CNTNAP2: variants seen among roughly 807,000 people sequenced by gnomAD.
The protein encoded by CNTNAP2 is contactin associated protein 2, also known as contactin-associated protein-like 2.
A neutral mutation model predicts 155.2 loss-of-function variants in CNTNAP2; 98 were observed. The observed-to-expected ratio is 0.63, with a 90% CI of 0.54 to 0.75. The LOEUF is 0.75. CNTNAP2 is among the 30% of genes least tolerant of loss of function. CNTNAP2 has a pLI of 0.00. For synonymous variants in CNTNAP2, 651 were observed against 631.2 expected, an observed-to-expected ratio of 1.03 and a Z score of -0.47; for missense variants, 1,727 against 1,688.1, an observed-to-expected ratio of 1.02 and a Z score of -0.40.
At chr7:146,654,813 A>T (rs1018325532) in intron 1 of CNTNAP2, among the ~76,000 whole-genome samples, 3 of 152,116 alleles carry the variant, frequency 2.0e-5, no homozygotes, top group Non-Finnish European at 4.4e-5. Context: ...ATTTTTCATG[A>T]GTTCTGAAGT....
chr7:147,478,002 CA>C (rs1435505008), intron 10 of CNTNAP2, among the ~76,000 whole-genome samples: 4 of 152,090 alleles, frequency 2.6e-5, no homozygotes, highest in African/African-American at 7.2e-5. Context: ...GCATATAACG[CA>C]ACACATAAAT....
chr7:147,636,845 GA>G (rs1206654959), intron 12 of CNTNAP2, among the ~76,000 whole-genome samples: 1 of 152,160 alleles, frequency 6.6e-6, no homozygotes, highest in African/African-American at 2.4e-5. Flanking sequence ...GAATGCTAGG[GA>G]GAAAATTAAA....
intron 8 of CNTNAP2, among the ~76,000 whole-genome samples, chr7:147,290,499 G>A (rs1805279400): frequency 3.3e-5 from 5 of 152,012 alleles, no homozygotes; most frequent in South Asian, 2.1e-4. Flanking sequence ...TGGGCAACCC[G>A]CTGAAACCCT....
chr7:147,778,033 AC>A (rs888086570), intron 13 of CNTNAP2, among the ~76,000 whole-genome samples: 5 of 152,046 alleles, frequency 3.3e-5, no homozygotes, highest in South Asian at 2.1e-4. Flanking sequence ...CTCCTATGGA[AC>A]TTTTTACCAT....
At chr7:146,841,508 T>G (rs563611995) in intron 3 of CNTNAP2, among the ~76,000 whole-genome samples, 1 of 152,282 alleles carries the variant, frequency 6.6e-6, no homozygotes, top group South Asian at 2.1e-4. Flanking sequence ...TAACTTTCTA[T>G]GGTTTCTAAA....
At chr7:146,336,467 G>A (rs1377968639) in intron 1 of CNTNAP2, among the ~76,000 whole-genome samples, 5 of 151,288 alleles carry the variant, frequency 3.3e-5, no homozygotes, top group African/African-American at 9.7e-5. Context: ...ATATAACATC[G>A]AGGCACATTT....
chr7:146,736,648 G>A (rs1393124955), intron 1 of CNTNAP2, among the ~76,000 whole-genome samples: 2 of 152,180 alleles, frequency 1.3e-5, no homozygotes, highest in Non-Finnish European at 1.5e-5. Flanking sequence ...GCTCTCAACC[G>A]CTGTGCTGCA....
At chr7:146,304,081 G>A (rs183675698) in intron 1 of CNTNAP2, among the ~76,000 whole-genome samples, 2,427 of 147,062 alleles carry the variant, frequency 0.017, 62 homozygotes, top group African/African-American at 0.06. Flanking sequence ...CAGAGACTAG[G>A]ATTGCAAACC....
intron 16 of CNTNAP2, among the ~76,000 whole-genome samples, chr7:148,120,936 G>A (rs1009249814): frequency 2.0e-5 from 3 of 152,136 alleles, no homozygotes; most frequent in Non-Finnish European, 2.9e-5. Flanking sequence ...AAACTACAAA[G>A]CAAACCAAAA....
Position 147,861,999 on chromosome 7 carries a change from C to CAAAAAAAAAAAAAAAAAAAA in CNTNAP2, c.2099-41561_2099-41542dup, listed in dbSNP as rs57139075. Among the ~76,000 whole-genome samples, 24 of 94,956 alleles carry CAAAAAAAAAAAAAAAAAAAA rather than the reference C, an allele frequency of 2.5e-4. 2 individuals carry two copies. The highest frequency in any genetic ancestry group is 3.8e-4 in the South Asian group (1 of 2,652). 62.3% of individuals were successfully genotyped at this position (94,956 alleles called of 152,430 possible). On this transcript the variant is annotated intron_variant, in intron 13 of 23. Coordinates refer to ENST00000361727, the MANE Select transcript of CNTNAP2 (RefSeq NM_014141.6). ...GGCAATAGAGTGAAACTCCATCTCA[C>CAAAAAAAAAAAAAAAAAAAA]AAAAAAAAAAAAAAAAAAAAAAAAT...
intron 13 of CNTNAP2, among the ~76,000 whole-genome samples, chr7:147,715,104 T>C (rs1796463048): frequency 6.6e-6 from 1 of 152,184 alleles, no homozygotes; most frequent in Non-Finnish European, 1.5e-5. Flanking sequence ...GAGTAGTTTA[T>C]GTTTTGGACT....
rs571445666 is a variant in CNTNAP2 at position 146,621,369 on chromosome 7, A to G, written c.98-152902A>G. 5.3e-5 allele frequency among the ~76,000 whole-genome samples: 8 copies of G among 152,082 alleles called. No homozygotes were observed. In the South Asian group the frequency reaches 1.7e-3, roughly 32 times the overall value. On this transcript the variant is annotated intron_variant, in intron 1 of 23. Transcript: ENST00000361727. ...TATATTAAGCCTAATGTTCATTGAG[A>G]TTTTCTTAGGTTTTACCTTTAGTCC...
intron 15 of CNTNAP2, among the ~76,000 whole-genome samples, chr7:148,050,111 G>A (rs1016599199): frequency 1.3e-5 from 2 of 152,180 alleles, no homozygotes; most frequent in African/African-American, 4.8e-5. Context: ...AGTAAGCCAA[G>A]ATCGCGCCAC....
chr7:147,788,261 T>C (rs533997948), intron 13 of CNTNAP2, among the ~76,000 whole-genome samples: 5 of 152,208 alleles, frequency 3.3e-5, no homozygotes, highest in Non-Finnish European at 7.3e-5. Flanking sequence ...TCCTAAACTG[T>C]CCTAGTCAAA....
intron 13 of CNTNAP2, among the ~76,000 whole-genome samples, chr7:147,818,695 C>T (rs1391177710): frequency 6.6e-6 from 1 of 152,148 alleles, no homozygotes; most frequent in African/African-American, 2.4e-5. Flanking sequence ...TTTAACAATG[C>T]TAATTCTAAG....
intron 9 of CNTNAP2, among the ~76,000 whole-genome samples, chr7:147,358,999 C>A (rs1019918837): frequency 1.3e-5 from 2 of 152,076 alleles, no homozygotes; most frequent in African/African-American, 4.8e-5. Context: ...ACATCTAGCT[C>A]AAAGGTAATT....
In CNTNAP2 at chr7:147,561,790, GT is replaced by G. The variant is rs999677744; in HGVS notation, c.1778-342del. ...ATAACCAACAAAGCAGCCAATATAA[GT>G]TTTTTATAGTAAGGGGATAATATCT... is the stretch of plus-strand genomic sequence containing the variant. On this transcript the variant is annotated intron_variant, in intron 11 of 23. Coordinates refer to ENST00000361727, the MANE Select transcript of CNTNAP2 (RefSeq NM_014141.6). Among the ~76,000 whole-genome samples the G allele has an allele frequency of 3.6e-3, 551 of 152,182 alleles. 2 individuals are homozygous for G. The highest frequency in any genetic ancestry group is 0.012 in the African/African-American group (514 of 41,530).
At chr7:146,187,244 C>G (rs1354698053) in intron 1 of CNTNAP2, among the ~76,000 whole-genome samples, 1 of 152,152 alleles carries the variant, frequency 6.6e-6, no homozygotes, top group Non-Finnish European at 1.5e-5. Flanking sequence ...AACCCTCAAG[C>G]GTTAGCACCC....
At chr7:146,269,277 T>A (rs966784175) in intron 1 of CNTNAP2, among the ~76,000 whole-genome samples, 5 of 151,886 alleles carry the variant, frequency 3.3e-5, no homozygotes, top group Non-Finnish European at 7.4e-5. Flanking sequence ...GAGGTGGAGG[T>A]TGCAGTGAGC....
Sources: allele counts gnomAD v4.1 joint callset (sites outside exome capture counted in the v4.1 genomes callset), GRCh38; gene constraint gnomAD v4.1.1; transcripts MANE v1.5; gene names NCBI Gene and HGNC (gene_info 2026-07-23, HGNC 2026-07-21).